Variants in SRP72 observed in about 807,000 individuals in gnomAD.
The protein encoded by SRP72 is signal recognition particle subunit SRP72.
In SRP72, 49 loss-of-function variants were observed where a neutral mutation model predicts 96.3. That is an observed-to-expected ratio of 0.51 (90% confidence interval 0.40 to 0.65). The LOEUF is 0.65. SRP72 is among the 30% of genes least tolerant of loss of function. The probability of loss-of-function intolerance (pLI) is 0.00; values close to 1 mark genes in which losing one functional copy is unlikely to be tolerated. For synonymous variants in SRP72, 267 were observed against 275.2 expected (o/e 0.97, Z 0.30); for missense variants, 736 against 793.3 (o/e 0.93, Z 0.87).
intron 16 of SRP72, 54 bp from the exon 17 acceptor site, chr4:56,495,303 G>A: frequency 7.8e-7 from 1 of 1,279,842 alleles, no homozygotes; most frequent in Non-Finnish European, 1.1e-6. Context: ...CTTACTTAAT[G>A]CTCTATAAAT....
intron 9 of SRP72, among the ~76,000 whole-genome samples, chr4:56,483,687 A>G (rs1720589644): frequency 6.6e-6 from 1 of 152,064 alleles, no homozygotes; most frequent in African/African-American, 2.4e-5. Context: ...AAAAAAAAAG[A>G]AAGAATATTA....
intron 9 of SRP72, 23 bp from the exon 10 acceptor site, chr4:56,484,713 T>C (rs1560682441): frequency 5.6e-6 from 9 of 1,611,654 alleles, no homozygotes; most frequent in East Asian, 2.2e-5. Context: ...TTATTTTTCT[T>C]GTGGGGGTTG....
intron 17 of SRP72, among the ~76,000 whole-genome samples, chr4:56,496,093 G>A (rs1202544482): frequency 6.6e-6 from 1 of 152,164 alleles, no homozygotes; most frequent in Non-Finnish European, 1.5e-5. Flanking sequence ...GATTGGCTTG[G>A]AGTGTGGCTT....
chr4:56,496,393 A>C lies in SRP72; in HGVS notation c.1678+999A>C, dbSNP rs138567061. Among the ~76,000 whole-genome samples, 10 of 152,282 alleles carry C rather than the reference A, an allele frequency of 6.6e-5. No individual in the cohort carries two copies. The East Asian group carries it at 1.9e-3, about 29-fold the overall frequency. On this transcript the variant is annotated intron_variant, in intron 17 of 18. Transcript: ENST00000642900. ...TTTTAGTGGAGTTTGAGGAAGGTAC[A>C]CAAGCTAATGTTTGTATCCATTTCA...
At chr4:56,478,679 T>A (rs373347205) in intron 8 of SRP72, 30 bp downstream of exon 8, 11 of 1,594,448 alleles carry the variant, frequency 6.9e-6, no homozygotes, top group Middle Eastern at 2.0e-4. Flanking sequence ...TCCATAGATA[T>A]ATTTTACCCT....
At position 56,486,280 on chromosome 4, in the gene SRP72, T is replaced by G. The variant is rs753591554; in HGVS notation, c.1087-45T>G. Reference sequence around the variant, plus strand: ...TAATTGTAATGTATACAATTAGTTGTGTAAATTAAATGTGATTTTTTTCCC... The same window carrying G: ...TAATTGTAATGTATACAATTAGTTGGGTAAATTAAATGTGATTTTTTTCCC... On this transcript the variant is annotated intron_variant, in intron 10 of 18. Transcript: ENST00000642900. The G allele has an allele frequency of 2.1e-6, 3 of 1,408,734 alleles. No individual in the cohort carries two copies. In the South Asian group the frequency reaches 3.8e-5, roughly 18 times the overall value. 87.3% of individuals were successfully genotyped at this position (1,408,734 alleles called of 1,614,324 possible).
intron 11 of SRP72, among the ~76,000 whole-genome samples, chr4:56,487,121 T>A (rs1359499557): frequency 6.6e-6 from 1 of 152,222 alleles, no homozygotes; most frequent in Non-Finnish European, 1.5e-5. Flanking sequence ...CAAAAAGTTC[T>A]GTCGAACAGC....
chr4:56,485,356 C>A (rs553085736), intron 10 of SRP72, among the ~76,000 whole-genome samples: 125 of 138,992 alleles, frequency 9.0e-4, no homozygotes, highest in Middle Eastern at 3.9e-3. Flanking sequence ...AATTGCCTAA[C>A]AGGGACACTC....
In SRP72 at chr4:56,502,504, T is replaced by TAC. The variant is rs1721302339; in HGVS notation, c.*644_*645insCA. The TAC allele has an allele frequency of 7.4e-6, 1 of 135,800 alleles. No individual in the cohort carries two copies. The highest frequency in any genetic ancestry group is 7.3e-5 in the Admixed American group (1 of 13,632). The allele number at this position is 135,800 out of a possible 1,614,324, so 8.4% of individuals were successfully genotyped here. A position where few individuals can be genotyped will look rare whatever the true frequency, so the allele number is the denominator to read the frequency against. On this transcript the variant is annotated 3_prime_UTR_variant, in exon 19 of 19. Transcript: ENST00000642900. ...ATATGTATATATATATACATATATA[T>TAC]ATATATATAAACATGAAATATATAT...
chr4:56,501,944 C>T lies in SRP72; in HGVS notation c.*83C>T. The T allele has an allele frequency of 7.5e-7, 1 of 1,332,272 alleles. No individual in the cohort carries two copies. Among genetic ancestry groups the T allele is most frequent in the South Asian group, 1.2e-5 (1 of 81,300 alleles). The allele number at this position is 1,332,272 out of a possible 1,614,324, so 82.5% of individuals were successfully genotyped here. Reference sequence around the variant, plus strand: ...AATAAAGGTAACACAGCAAGAAGCACAGAACTACTCCCTCTTCATCTCCAT... The same window carrying T: ...AATAAAGGTAACACAGCAAGAAGCATAGAACTACTCCCTCTTCATCTCCAT... On this transcript the variant is annotated 3_prime_UTR_variant, in exon 19 of 19. Transcript: ENST00000642900.
At chr4:56,493,236 A>G (rs529906708) in intron 16 of SRP72, among the ~76,000 whole-genome samples, 1 of 151,838 alleles carries the variant, frequency 6.6e-6, no homozygotes, top group East Asian at 2.0e-4. Context: ...GGGTTTCACC[A>G]TGTCGATCAG....
rs574745171 is a variant in SRP72 at position 56,470,029 on chromosome 4, A to G, written c.230+256A>G. Among the ~76,000 whole-genome samples the G allele has an allele frequency of 2.0e-5, 3 of 149,092 alleles. No individual in the cohort carries two copies. In the East Asian group the frequency reaches 5.9e-4, roughly 30 times the overall value. On this transcript the variant is annotated intron_variant, in intron 2 of 18. Transcript: ENST00000642900. ...CTTTGAACCGCTAAGGAGGTGAACC[A>G]TAGAGAGTTGTGGGGCATAATTATG...
intron 15 of SRP72, 150 bp from the exon 16 acceptor site, chr4:56,491,281 T>A (rs1271857486): frequency 2.8e-6 from 2 of 713,062 alleles, no homozygotes; most frequent in Non-Finnish European, 4.5e-6. Flanking sequence ...TGTTATTGTA[T>A]AGAAGATTTA....
chr4:56,484,889 G>A (rs991241125), intron 10 of SRP72, 25 bp downstream of exon 10: 13 of 1,600,934 alleles, frequency 8.1e-6, no homozygotes, highest in Non-Finnish European at 1.0e-5. Context: ...TGAATGAGGT[G>A]TCAGACATTT....
At position 56,471,846 on chromosome 4, in the gene SRP72, AAT is replaced by A; in HGVS notation, c.354+4_354+5del. 6.2e-7 allele frequency: 1 copy of A among 1,613,714 alleles called. No homozygotes were observed. Among genetic ancestry groups the A allele is most frequent in the Non-Finnish European group, 8.5e-7 (1 of 1,179,846 alleles). On this transcript the variant is annotated splice_donor_5th_base_variant and intron_variant, in intron 3 of 18. Transcript: ENST00000642900. ...TGAAGGAGCTTTATGGACAAGTGGT[AAT>A]TACTGCTTTTAAATACATGTTGACA... is the stretch of plus-strand genomic sequence containing the variant.
chr4:56,482,164 G>A (rs1245546581), intron 8 of SRP72, among the ~76,000 whole-genome samples: 3 of 150,242 alleles, frequency 2.0e-5, no homozygotes, highest in South Asian at 2.1e-4. Flanking sequence ...GTACTGGGCC[G>A]GGCACAGTGG....
intron 6 of SRP72, among the ~76,000 whole-genome samples, chr4:56,478,021 T>G (rs1189027399): frequency 1.3e-5 from 2 of 152,200 alleles, no homozygotes; most frequent in African/African-American, 4.8e-5. Context: ...AGGGATATCA[T>G]TATAAAAAGA....
chr4:56,497,289 G>A (rs965779984), intron 17 of SRP72, among the ~76,000 whole-genome samples: 5 of 148,984 alleles, frequency 3.4e-5, no homozygotes, highest in South Asian at 2.1e-4. Context: ...GCGCTATCTC[G>A]GCTCACTGCA....
At chr4:56,494,317 C>T (rs182574084) in intron 16 of SRP72, among the ~76,000 whole-genome samples, 64 of 151,778 alleles carry the variant, frequency 4.2e-4, no homozygotes, top group Admixed American at 1.4e-3. Flanking sequence ...TTTTAGTTCA[C>T]TGTTTCATAT....
Sources: gnomAD v4.1 joint callset for allele counts (sites outside exome capture counted in the v4.1 genomes callset) on GRCh38, gnomAD v4.1.1 for gene constraint, MANE v1.5 for transcripts, NCBI Gene and HGNC (gene_info 2026-07-23, HGNC 2026-07-21) for gene names.